The following MECOM variants were observed in gnomAD, a reference collection of about 807,000 sequenced individuals.
The protein encoded by MECOM is histone-lysine N-methyltransferase MECOM.
In MECOM, 13 loss-of-function variants were observed where a neutral mutation model predicts 116.3. That is an observed-to-expected ratio of 0.11 (90% confidence interval 0.07 to 0.18). The LOEUF (loss-of-function observed/expected upper bound fraction) is 0.18, where lower values mean the gene tolerates loss of function less well. Among genes scored for constraint, MECOM ranks in the 10% least tolerant of loss-of-function variants. The pLI, the probability that MECOM is intolerant of heterozygous loss-of-function variation, is 1.00. For missense variants in MECOM, 1,299 were observed against 1,509.0 expected, an observed-to-expected ratio of 0.86 and a Z score of 2.31; for synonymous variants, 528 against 535.2, an observed-to-expected ratio of 0.99 and a Z score of 0.19.
intron 1 of MECOM, among the ~76,000 whole-genome samples, chr3:169,433,534 A>C (rs1742004097): frequency 6.7e-6 from 1 of 150,014 alleles, no homozygotes; most frequent in African/African-American, 2.5e-5. Context: ...AGACAGACAG[A>C]ATGAAAGAAA....
chr3:169,115,305 A>G (rs1728793741), intron 8 of MECOM, 78 bp downstream of exon 8: 12 of 1,421,128 alleles, frequency 8.4e-6, no homozygotes, highest in Non-Finnish European at 1.1e-5. Flanking sequence ...ATGATGTGTT[A>G]AAAAGCCATC....
chr3:169,584,065 C>G (rs1311349243), intron 1 of MECOM, among the ~76,000 whole-genome samples: 23 of 152,136 alleles, frequency 1.5e-4, no homozygotes. Context: ...CTATGAATTC[C>G]TGCTGAGAGA....
rs372731754 is a variant in MECOM at position 169,529,497 on chromosome 3, C to G, written c.37+133839G>C. 4.6e-5 allele frequency among the ~76,000 whole-genome samples: 7 copies of G among 152,282 alleles called. No homozygotes were observed. The East Asian group carries it at 5.8e-4, about 13-fold the overall frequency. On this transcript the variant is annotated intron_variant, in intron 1 of 16. Transcript: ENST00000651503. ...GGCTTCCCATATCCATATCCTGTAG[C>G]ATTTACCACCACAAGCCCAATACAA...
intron 2 of MECOM, among the ~76,000 whole-genome samples, chr3:169,168,207 G>GT (rs1301429538): frequency 1.3e-5 from 2 of 151,668 alleles, no homozygotes; most frequent in Admixed American, 6.6e-5. Flanking sequence ...TTTTTGTTGT[G>GT]TTTTTTGTTT....
intron 2 of MECOM, among the ~76,000 whole-genome samples, chr3:169,219,977 A>G (rs1247507741): frequency 6.7e-6 from 1 of 149,230 alleles, no homozygotes; most frequent in Non-Finnish European, 1.5e-5. Context: ...TTCCAATTAT[A>G]TACATTTTAA....
intron 1 of MECOM, among the ~76,000 whole-genome samples, chr3:169,453,822 AG>A (rs1746007403): frequency 6.6e-6 from 1 of 152,190 alleles, no homozygotes; most frequent in Non-Finnish European, 1.5e-5. Flanking sequence ...TTAATGAGAT[AG>A]GATCCCACAA....
At chr3:169,296,133 G>A (rs1032115598) in intron 2 of MECOM, among the ~76,000 whole-genome samples, 1 of 152,124 alleles carries the variant, frequency 6.6e-6, no homozygotes, top group East Asian at 1.9e-4. Context: ...TCACTTTTTT[G>A]ACCAGACCCA....
rs188906524 is a variant in MECOM, at chr3:169,089,117, G to A, written c.3468C>T (p.Ser1156=). The change falls in exon 16 of 17, where the codon AGC becomes AGT. Residue 1156 remains serine (S), a synonymous_variant. Coordinates refer to ENST00000651503, the MANE Select transcript of MECOM (RefSeq NM_004991.4). The part of the protein sequence containing the change: ...ALDHIRHFTD[S]LKMRKMEDNQ... ...TATCTTCCATTTTCCTCATTTTGAG[G>A]CTATCTGTGAAGTGCCTTATATGAT... is the stretch of plus-strand genomic sequence containing the variant. The A allele has an allele frequency of 5.0e-6, 8 of 1,608,696 alleles. No homozygotes were observed. The highest frequency in any genetic ancestry group is 6.8e-6 in the Non-Finnish European group (8 of 1,177,614).
intron 2 of MECOM, among the ~76,000 whole-genome samples, chr3:169,329,791 C>G (rs1722436505): frequency 6.6e-6 from 1 of 152,210 alleles, no homozygotes; most frequent in African/African-American, 2.4e-5. Flanking sequence ...GCTGCCCACT[C>G]ATCCCATGAG....
chr3:169,408,313 T>G (rs1246356519), intron 1 of MECOM, among the ~76,000 whole-genome samples: 1 of 152,090 alleles, frequency 6.6e-6, no homozygotes, highest in Non-Finnish European at 1.5e-5. Flanking sequence ...CAATGTATAA[T>G]CAGTACAGCA....
At chr3:169,274,194 G>A (rs1228303284) in intron 2 of MECOM, among the ~76,000 whole-genome samples, 2 of 152,128 alleles carry the variant, frequency 1.3e-5, no homozygotes, top group African/African-American at 2.4e-5. Flanking sequence ...TTACAGGCAT[G>A]AGGCACTGTG....
At chr3:169,309,938 C>T (rs1007152906) in intron 2 of MECOM, among the ~76,000 whole-genome samples, 3 of 152,160 alleles carry the variant, frequency 2.0e-5, no homozygotes, top group African/African-American at 4.8e-5. Context: ...GTGATCACCA[C>T]GGGCAAAACC....
chr3:169,478,744 C>A (rs1371479956), intron 1 of MECOM, among the ~76,000 whole-genome samples: 1 of 152,172 alleles, frequency 6.6e-6, no homozygotes, highest in Non-Finnish European at 1.5e-5. Flanking sequence ...AATTCCTAGG[C>A]TAAACCAGCT....
intron 1 of MECOM, among the ~76,000 whole-genome samples, chr3:169,627,756 T>C (rs1040185819): frequency 1.4e-4 from 22 of 152,264 alleles, no homozygotes; most frequent in African/African-American, 5.3e-4. Context: ...TAGACTAGCC[T>C]TTGTTCTTCT....
intron 1 of MECOM, among the ~76,000 whole-genome samples, chr3:169,653,761 C>A (rs1178891539): frequency 6.6e-6 from 1 of 152,162 alleles, no homozygotes; most frequent in Non-Finnish European, 1.5e-5. Flanking sequence ...TTGATCAAAT[C>A]CTCACATGAG....
chr3:169,214,990 C>T (rs1431344120), intron 2 of MECOM, among the ~76,000 whole-genome samples: 4 of 149,818 alleles, frequency 2.7e-5, no homozygotes. Context: ...ATTTAGAAAA[C>T]TAAAAGCCTA....
Position 169,100,870 on chromosome 3 carries a change from A to T in MECOM, c.2849+15T>A, listed in dbSNP as rs751850073. The T allele has an allele frequency of 2.1e-6, 3 of 1,452,190 alleles. No individual in the cohort carries two copies. Among genetic ancestry groups the T allele is most frequent in the Non-Finnish European group, 2.8e-6 (3 of 1,082,602 alleles). 90.0% of individuals were successfully genotyped at this position (1,452,190 alleles called of 1,614,324 possible). A position where few individuals can be genotyped will look rare whatever the true frequency, so the allele number is the denominator to read the frequency against. ...CAATATTTATCAAGATATTTAGCAAATATCATTGTCAGACCTGTAAGGCTG... is the reference window on the plus strand; with the variant it reads ...CAATATTTATCAAGATATTTAGCAATTATCATTGTCAGACCTGTAAGGCTG... On this transcript the variant is annotated intron_variant, in intron 12 of 16. Coordinates refer to ENST00000651503, the MANE Select transcript of MECOM (RefSeq NM_004991.4).
At chr3:169,650,992 C>T (rs1774830916) in intron 1 of MECOM, among the ~76,000 whole-genome samples, 1 of 152,100 alleles carries the variant, frequency 6.6e-6, no homozygotes, top group African/African-American at 2.4e-5. Context: ...AGAAAAAGCC[C>T]TTTATTTCTT....
At position 169,085,043 on chromosome 3, in the gene MECOM, C is replaced by G. The variant is rs765615508; in HGVS notation, c.3586G>C (p.Ala1196Pro). The change falls in exon 17 of 17, where the codon GCA becomes CCA. Residue 1196 changes from alanine (A) to proline (P), a missense_variant and splice_region_variant. Around this residue, in one of 6 missense-constraint regions of MECOM, gnomAD observed 273 missense variants for 289.3 expected, o/e 0.94. Coordinates refer to ENST00000651503, the MANE Select transcript of MECOM (RefSeq NM_004991.4). ...QPLHRKSKSQ[A>P]YAMMLSLSDK... ...GACAGTGACAGCATCATAGCATATGCCTGGGGTAAAAAGGAGAGAGACTCA... is the reference window on the plus strand; with the variant it reads ...GACAGTGACAGCATCATAGCATATGGCTGGGGTAAAAAGGAGAGAGACTCA... 11 of 1,613,836 alleles carry G rather than the reference C, an allele frequency of 6.8e-6. No homozygotes were observed. Among genetic ancestry groups the G allele is most frequent in the Non-Finnish European group, 9.3e-6 (11 of 1,179,906 alleles).
Sources: allele counts gnomAD v4.1 joint callset (sites outside exome capture counted in the v4.1 genomes callset), GRCh38; gene constraint gnomAD v4.1.1; regional missense constraint gnomAD v4.1.1; transcripts MANE v1.5; gene names NCBI Gene and HGNC (gene_info 2026-07-23, HGNC 2026-07-21).